Variants in AUTS2 observed in about 807,000 individuals in gnomAD.
AUTS2 encodes activator of transcription and developmental regulator AUTS2, also known as autism susceptibility gene 2 protein.
AUTS2 carries 17 observed loss-of-function variants against 112.4 expected under a neutral mutation model. That is an observed-to-expected ratio of 0.15 (90% confidence interval 0.10 to 0.23). The LOEUF is 0.23. AUTS2 is among the 10% of genes least tolerant of loss of function. The pLI is 1.00. For synonymous variants in AUTS2, 751 were observed against 702.7 expected, an observed-to-expected ratio of 1.07 and a Z score of -1.09; for missense variants, 1,510 against 1,701.6, an observed-to-expected ratio of 0.89 and a Z score of 1.98.
chr7:69,994,146 G>A (rs1333314649), intron 2 of AUTS2, among the ~76,000 whole-genome samples: 2 of 152,166 alleles, frequency 1.3e-5, no homozygotes, highest in Admixed American at 6.5e-5. Flanking sequence ...CAGGAGGATC[G>A]CTTGAGCCCA....
At chr7:69,674,733 A>T (rs1475325821) in intron 1 of AUTS2, among the ~76,000 whole-genome samples, 1 of 152,110 alleles carries the variant, frequency 6.6e-6, no homozygotes, top group Non-Finnish European at 1.5e-5. Flanking sequence ...TGAGGTATTC[A>T]GTGTGTGGTG....
intron 4 of AUTS2, among the ~76,000 whole-genome samples, chr7:70,307,545 T>A (rs185863584): frequency 6.4e-4 from 97 of 152,374 alleles, no homozygotes; most frequent in Non-Finnish European, 1.6e-4. Flanking sequence ...AGACACATGC[T>A]CTAGCTTTAC....
At chr7:69,968,807 T>A (rs1172174079) in intron 2 of AUTS2, among the ~76,000 whole-genome samples, 1 of 151,152 alleles carries the variant, frequency 6.6e-6, no homozygotes, top group Non-Finnish European at 1.5e-5. Flanking sequence ...TCACCTAGTT[T>A]AAAAAAAAAG....
At chr7:70,509,380 G>A (rs1799094881) in intron 5 of AUTS2, among the ~76,000 whole-genome samples, 14 of 152,200 alleles carry the variant, frequency 9.2e-5, no homozygotes, top group Admixed American at 9.2e-4. Flanking sequence ...GACTTGGGAG[G>A]AAGGTTGGGA....
At chr7:70,175,145 T>C (rs971931501) in intron 4 of AUTS2, among the ~76,000 whole-genome samples, 2 of 152,080 alleles carry the variant, frequency 1.3e-5, no homozygotes, top group Non-Finnish European at 2.9e-5. Context: ...TTGGAAGAAG[T>C]TTATTCCAAA....
chr7:70,166,278 T>TA (rs1808376637), intron 4 of AUTS2, among the ~76,000 whole-genome samples: 1 of 152,198 alleles, frequency 6.6e-6, no homozygotes, highest in Non-Finnish European at 1.5e-5. Flanking sequence ...TTAAGGGTTG[T>TA]AAAAAATTTT....
chr7:69,804,966 C>T (rs572674747), intron 1 of AUTS2, among the ~76,000 whole-genome samples: 1 of 152,212 alleles, frequency 6.6e-6, no homozygotes, highest in Non-Finnish European at 1.5e-5. Context: ...CACAGACAGA[C>T]GTTGCTTTCC....
intron 1 of AUTS2, among the ~76,000 whole-genome samples, chr7:69,737,471 C>T (rs887776046): frequency 6.6e-6 from 1 of 152,226 alleles, no homozygotes; most frequent in African/African-American, 2.4e-5. Flanking sequence ...AGAAGCAAGT[C>T]CCTGCTTGGG....
chr7:70,152,102 A>G (rs993244917), intron 4 of AUTS2, among the ~76,000 whole-genome samples: 20 of 152,156 alleles, frequency 1.3e-4, no homozygotes, highest in Non-Finnish European at 2.9e-5. Context: ...AGATTAGTTA[A>G]CTTGAATTCA....
At chr7:69,605,301 A>C (rs973918090) in intron 1 of AUTS2, among the ~76,000 whole-genome samples, 1 of 152,164 alleles carries the variant, frequency 6.6e-6, no homozygotes, top group Non-Finnish European at 1.5e-5. Flanking sequence ...CAGGAGTGGC[A>C]AGGGGAGTGA....
intron 4 of AUTS2, among the ~76,000 whole-genome samples, chr7:70,378,716 A>C (rs1250649093): frequency 1.3e-5 from 2 of 152,240 alleles, no homozygotes; most frequent in Non-Finnish European, 2.9e-5. Flanking sequence ...CAGCATGGTT[A>C]GCAGAAGGCT....
chr7:69,619,018 G>A (rs1793522208), intron 1 of AUTS2, among the ~76,000 whole-genome samples: 1 of 152,128 alleles, frequency 6.6e-6, no homozygotes, highest in African/African-American at 2.4e-5. Flanking sequence ...TGCAGTCAGG[G>A]TAAGAGACCT....
intron 5 of AUTS2, among the ~76,000 whole-genome samples, chr7:70,514,692 G>A (rs1424413412): frequency 6.6e-6 from 1 of 152,150 alleles, no homozygotes. Context: ...GGGGTCATAA[G>A]GTGTGAGCAT....
intron 4 of AUTS2, among the ~76,000 whole-genome samples, chr7:70,427,885 TC>T (rs1795498792): frequency 6.6e-6 from 1 of 152,208 alleles, no homozygotes; most frequent in Non-Finnish European, 1.5e-5. Context: ...TGCTAGGTTA[TC>T]AGTACCGAAT....
Position 70,337,182 on chromosome 7 carries a change from G to A in AUTS2, c.661-98570G>A, listed in dbSNP as rs564971623. On this transcript the variant is annotated intron_variant, in intron 4 of 18. Coordinates refer to ENST00000342771, the MANE Select transcript of AUTS2 (RefSeq NM_015570.4). ...ATATGGGAAAGCAGTGATCAGATTC[G>A]CTTATGCTGCTCTTCACTGAGCTGA... 4.6e-5 allele frequency among the ~76,000 whole-genome samples: 7 copies of A among 152,280 alleles called. No individual in the cohort carries two copies. The East Asian group carries it at 5.8e-4, about 13-fold the overall frequency.
At chr7:70,344,470 C>G (rs1398588628) in intron 4 of AUTS2, among the ~76,000 whole-genome samples, 1 of 152,132 alleles carries the variant, frequency 6.6e-6, no homozygotes, top group Admixed American at 6.5e-5. Flanking sequence ...TGCTAAGTCC[C>G]ATGCCCTCAA....
At chr7:69,834,802 C>T (rs1791651635) in intron 1 of AUTS2, among the ~76,000 whole-genome samples, 1 of 152,340 alleles carries the variant, frequency 6.6e-6, no homozygotes, top group South Asian at 2.1e-4. Flanking sequence ...AATCCTATAA[C>T]ATTTCCTTTT....
At chr7:70,755,542 C>G (rs768249012) in intron 6 of AUTS2, among the ~76,000 whole-genome samples, 56 of 152,088 alleles carry the variant, frequency 3.7e-4, no homozygotes, top group Non-Finnish European at 4.7e-4. Flanking sequence ...TGGCAGGCCC[C>G]TGTAATCCCA....
chr7:70,259,318 CT>C (rs1174102991), intron 4 of AUTS2, among the ~76,000 whole-genome samples: 1 of 145,012 alleles, frequency 6.9e-6, no homozygotes, highest in South Asian at 2.2e-4. Context: ...TTTTTTCCTT[CT>C]TTTTTTGTAA....
Sources: gnomAD v4.1 joint callset for allele counts (sites outside exome capture counted in the v4.1 genomes callset) on GRCh38, gnomAD v4.1.1 for gene constraint, MANE v1.5 for transcripts, NCBI Gene and HGNC (gene_info 2026-07-23, HGNC 2026-07-21) for gene names.